The following HNRNPC variants were observed in gnomAD, a reference collection of about 807,000 sequenced individuals.
HNRNPC encodes the protein heterogeneous nuclear ribonucleoprotein C, also known as heterogeneous nuclear ribonucleoproteins C1/C2.
In HNRNPC, 3 loss-of-function variants were observed where a neutral mutation model predicts 33.2. The observed-to-expected ratio is 0.09, with a 90% CI of 0.04 to 0.23. The LOEUF is 0.23. Ranked by LOEUF, HNRNPC falls within the 10% of genes least tolerant of loss-of-function variation. HNRNPC has a pLI of 1.00. For synonymous variants in HNRNPC, 121 were observed against 126.7 expected, an observed-to-expected ratio of 0.96 and a Z score of 0.30; for missense variants, 143 against 366.7, an observed-to-expected ratio of 0.39 and a Z score of 4.98.
At chr14:21,235,531 T>C (rs894253430) in intron 2 of HNRNPC, among the ~76,000 whole-genome samples, 2 of 152,220 alleles carry the variant, frequency 1.3e-5, no homozygotes, top group Non-Finnish European at 2.9e-5. Flanking sequence ...CTTTCTGAAA[T>C]TCAAAAGTCT....
At position 21,236,116 on chromosome 14, in the gene HNRNPC, T is replaced by C. The variant is rs113853681; in HGVS notation, c.-36-1887A>G. ...CTAGTACTAATCAAGATGCAAGGAA[T>C]TCATACCCCACGGCATTTTTCATGT... On this transcript the variant is annotated intron_variant, in intron 2 of 8. Coordinates refer to ENST00000553300, the MANE Select transcript of HNRNPC (RefSeq NM_004500.4). Among the ~76,000 whole-genome samples the C allele has an allele frequency of 4.7e-4, 72 of 152,240 alleles. 1 individual carries two copies. The highest frequency in any genetic ancestry group is 1.6e-3 in the African/African-American group (67 of 41,544).
intron 3 of HNRNPC, among the ~76,000 whole-genome samples, chr14:21,233,656 T>C (rs1022641043): frequency 1.4e-4 from 21 of 152,208 alleles, no homozygotes; most frequent in Non-Finnish European, 2.6e-4. Flanking sequence ...TCCAGTCTGC[T>C]GTGGGCAGGA....
intron 2 of HNRNPC, among the ~76,000 whole-genome samples, chr14:21,241,131 G>T (rs983805871): frequency 2.6e-5 from 4 of 151,730 alleles, no homozygotes; most frequent in African/African-American, 9.7e-5. Flanking sequence ...GTGGTGGCAG[G>T]CGTCTGTAAT....
intron 2 of HNRNPC, among the ~76,000 whole-genome samples, chr14:21,261,433 C>A (rs892510323): frequency 6.6e-6 from 1 of 152,012 alleles, no homozygotes; most frequent in Non-Finnish European, 1.5e-5. Flanking sequence ...ATAAAGATTC[C>A]CATTCTTTTT....
chr14:21,265,107 AAAG>A (rs1163251581), intron 1 of HNRNPC: 1 of 152,246 alleles, frequency 6.6e-6, no homozygotes, highest in Non-Finnish European at 1.5e-5. Flanking sequence ...ACATTTTTAA[AAAG>A]AACAGTGTAG....
chr14:21,250,911 G>GCT (rs548921674), intron 2 of HNRNPC, among the ~76,000 whole-genome samples: 6 of 152,188 alleles, frequency 3.9e-5, no homozygotes, highest in Non-Finnish European at 8.8e-5. Context: ...TGGTGATGAT[G>GCT]CTATGCTGGA....
chr14:21,235,816 G>T (rs1894636695), intron 2 of HNRNPC, among the ~76,000 whole-genome samples: 1 of 152,036 alleles, frequency 6.6e-6, no homozygotes, highest in African/African-American at 2.4e-5. Context: ...TCACAAATAG[G>T]TTTATCAATA....
At chr14:21,261,219 C>T (rs1490948338) in intron 2 of HNRNPC, among the ~76,000 whole-genome samples, 4 of 152,078 alleles carry the variant, frequency 2.6e-5, no homozygotes, top group African/African-American at 9.7e-5. Context: ...CCTCACTAAG[C>T]TGCGAAGCCC....
intron 2 of HNRNPC, among the ~76,000 whole-genome samples, chr14:21,254,060 CAAA>C (rs575132536): frequency 9.6e-5 from 5 of 52,020 alleles, no homozygotes; most frequent in Admixed American, 2.2e-4. Context: ...GATTCCGTCT[CAAA>C]AAAAAAAAAA....
intron 2 of HNRNPC, among the ~76,000 whole-genome samples, chr14:21,257,572 AAGAT>A (rs1566643563): frequency 1.3e-5 from 2 of 152,022 alleles, no homozygotes; most frequent in Non-Finnish European, 2.9e-5. Flanking sequence ...AAAAAAAAAA[AAGAT>A]AGCTCACTTT....
intron 2 of HNRNPC, among the ~76,000 whole-genome samples, chr14:21,252,476 A>G (rs368830049): frequency 6.6e-6 from 1 of 152,054 alleles, no homozygotes; most frequent in Non-Finnish European, 1.5e-5. Flanking sequence ...CTACCCAGGT[A>G]ATTTTTTTGT....
chr14:21,226,317 G>A (rs78649635), intron 5 of HNRNPC, among the ~76,000 whole-genome samples: 4,714 of 129,302 alleles, frequency 0.036, 171 homozygotes, highest in East Asian at 0.23. Context: ...CACGAGACTC[G>A]TTTCCAAAAG....
chr14:21,227,957 T>G (rs1488809339), intron 5 of HNRNPC, among the ~76,000 whole-genome samples: 1 of 152,214 alleles, frequency 6.6e-6, no homozygotes, highest in African/African-American at 2.4e-5. Flanking sequence ...AACCACGTCC[T>G]TAATCTTTTA....
In HNRNPC at chr14:21,253,379, C is replaced by T. The variant is rs1329636924; in HGVS notation, c.-37+9932G>A. ...GTCCCAGCTACTCCAGAGGCTGAGG[C>T]AGTAGAATGGCGTGAACCCAGGAGG... On this transcript the variant is annotated intron_variant, in intron 2 of 8. Transcript: ENST00000553300. Among the ~76,000 whole-genome samples the T allele has an allele frequency of 6.5e-5, 9 of 138,930 alleles. No homozygotes were observed. In the East Asian group the frequency reaches 1.7e-3, roughly 26 times the overall value. The allele number at this position is 138,930 out of a possible 152,430, so 91.1% of individuals were successfully genotyped here. A position where few individuals can be genotyped will look rare whatever the true frequency, so the allele number is the denominator to read the frequency against.
chr14:21,223,615 G>A (rs1296679047), intron 5 of HNRNPC, among the ~76,000 whole-genome samples: 6 of 151,868 alleles, frequency 4.0e-5, no homozygotes, highest in Admixed American at 3.3e-4. Flanking sequence ...CAGACATGGT[G>A]GCATGTGCCT....
chr14:21,261,505 G>A (rs1426463024), intron 2 of HNRNPC, among the ~76,000 whole-genome samples: 1 of 152,128 alleles, frequency 6.6e-6, no homozygotes. Context: ...TACCTCTGGT[G>A]TTCACTTTAA....
rs1894430431 is a variant in HNRNPC at position 21,234,312 on chromosome 14, A to G, written c.-36-83T>C. The G allele has an allele frequency of 3.5e-5, 45 of 1,272,334 alleles. No individual in the cohort carries two copies. In the Admixed American group the frequency reaches 3.6e-4, roughly 10 times the overall value. 78.8% of individuals were successfully genotyped at this position (1,272,334 alleles called of 1,614,324 possible). A position where few individuals can be genotyped will look rare whatever the true frequency, so the allele number is the denominator to read the frequency against. The stretch of plus-strand genomic sequence containing the variant: ...AAAACATTCTCCACTCTCACTCTGA[A>G]TCACTGTTAACTGCCCAGAGTATTA... On this transcript the variant is annotated intron_variant, in intron 2 of 8. Coordinates refer to ENST00000553300, the MANE Select transcript of HNRNPC (RefSeq NM_004500.4).
intron 6 of HNRNPC, 72 bp from the exon 7 acceptor site, chr14:21,211,995 C>A: frequency 1.7e-6 from 2 of 1,144,792 alleles, no homozygotes; most frequent in South Asian, 2.5e-5. Flanking sequence ...ACACTGCCAC[C>A]AGACTACATC....
chr14:21,240,094 G>C (rs1895177837), intron 2 of HNRNPC, among the ~76,000 whole-genome samples: 2 of 152,108 alleles, frequency 1.3e-5, no homozygotes, highest in South Asian at 4.1e-4. Flanking sequence ...CTGTGTTTTT[G>C]TCTGATATGC....
Sources: allele counts gnomAD v4.1 joint callset (sites outside exome capture counted in the v4.1 genomes callset), GRCh38; gene constraint gnomAD v4.1.1; transcripts MANE v1.5; gene names NCBI Gene and HGNC (gene_info 2026-07-23, HGNC 2026-07-21).